Variants in ZNF746 observed in about 807,000 individuals in gnomAD.
ZNF746 encodes parkin-interacting substrate.
A neutral mutation model predicts 41.0 loss-of-function variants in ZNF746; 13 were observed. The ratio of observed to expected loss-of-function variants is 0.32; its 90% confidence interval spans 0.21 to 0.50. ZNF746 has a LOEUF of 0.50. Among genes scored for constraint, ZNF746 ranks in the 20% least tolerant of loss-of-function variants. ZNF746 has a pLI of 0.98. For missense variants in ZNF746, 811 were observed against 922.9 expected, an observed-to-expected ratio of 0.88 and a Z score of 1.57; for synonymous variants, 424 against 396.2, an observed-to-expected ratio of 1.07 and a Z score of -0.83.
intron 4 of ZNF746, chr7:149,491,655 G>A (rs967779126): frequency 4.0e-5 from 22 of 551,478 alleles, no homozygotes; most frequent in Non-Finnish European, 5.9e-5. Context: ...ATCTGACTGA[G>A]ATGAGATGAC....
At chr7:149,489,906 AAC>A (rs1280347508) in intron 4 of ZNF746, 1 of 152,196 alleles carries the variant, frequency 6.6e-6, no homozygotes, top group African/African-American at 2.4e-5. Flanking sequence ...TGGAAGGGGT[AAC>A]AGAGTGGGGG....
chr7:149,494,918 G>C lies in ZNF746; in HGVS notation c.25-415C>G, dbSNP rs781393663. Among the ~76,000 whole-genome samples the C allele has an allele frequency of 2.0e-5, 3 of 151,964 alleles. No homozygotes were observed. Among genetic ancestry groups the C allele is most frequent in the Non-Finnish European group, 2.9e-5 (2 of 67,986 alleles). ...CATTTTAGTGGAGAAATGGTAAACT[G>C]CAGATTTACTAGAGCGCAGCCTGCA... On this transcript the variant is annotated intron_variant, in intron 1 of 6. Transcript: ENST00000458143. The surrounding 1 kb of genome is among the most constrained non-coding windows in gnomAD (Gnocchi z 5.6).
chr7:149,475,131 C>A lies in ZNF746; in HGVS notation c.1236G>T (p.Gly412=), dbSNP rs755737845. 4 of 1,612,146 alleles carry A rather than the reference C, an allele frequency of 2.5e-6. 1 individual carries two copies. In the South Asian group the frequency reaches 4.4e-5, roughly 18 times the overall value. ...KPPVGLNPRT[G]PEGLPYSSPD... Reference sequence around the variant, plus strand: ...GGGAGGAGTAAGGAAGCCCCTCGGGCCCCGTCCTCGGGTTCAGGCCCACTG... The same window carrying A: ...GGGAGGAGTAAGGAAGCCCCTCGGGACCCGTCCTCGGGTTCAGGCCCACTG... The change falls in exon 7 of 7, where the codon GGG becomes GGT. Residue 412 remains glycine (G), a synonymous_variant. Transcript: ENST00000458143.
At chr7:149,496,669 C>T (rs113500992) in intron 1 of ZNF746, among the ~76,000 whole-genome samples, 8 of 152,268 alleles carry the variant, frequency 5.3e-5, no homozygotes, top group African/African-American at 1.9e-4. Context: ...GAAATCCTAG[C>T]CTTCCCTAAA....
intron 4 of ZNF746, among the ~76,000 whole-genome samples, chr7:149,481,343 C>T (rs1336934464): frequency 2.6e-5 from 4 of 152,238 alleles, no homozygotes; most frequent in African/African-American, 9.6e-5. Flanking sequence ...ATATAACCCA[C>T]ACACATCCTC....
chr7:149,477,779 G>A, intron 4 of ZNF746, 24 bp from the exon 5 acceptor site: 1 of 1,576,022 alleles, frequency 6.3e-7, no homozygotes, highest in Non-Finnish European at 8.7e-7. Context: ...TGAGTGTGAG[G>A]ATACAGCATC....
In ZNF746 at chr7:149,472,918, T is replaced by G. The variant is rs1430359552; in HGVS notation, c.*1466A>C. 1 of 152,600 alleles carries G rather than the reference T, an allele frequency of 6.6e-6. No individual in the cohort carries two copies. The highest frequency in any genetic ancestry group is 6.5e-5 in the Admixed American group (1 of 15,280). The allele number at this position is 152,600 out of a possible 1,614,324, so 9.5% of individuals were successfully genotyped here. The stretch of plus-strand genomic sequence containing the variant: ...AGTACATAGAAACAATTTTCTTAAC[T>G]AGTCTATCGCCTAATAAAAGTATGC... On this transcript the variant is annotated 3_prime_UTR_variant, in exon 7 of 7. Coordinates refer to ENST00000458143, the MANE Select transcript of ZNF746 (RefSeq NM_001394198.1).
At position 149,497,075 on chromosome 7, in the gene ZNF746, G is replaced by C; in HGVS notation, c.24+438C>G. On this transcript the variant is annotated intron_variant, in intron 1 of 6. Transcript: ENST00000458143. The surrounding 1 kb of genome is among the most constrained non-coding windows in gnomAD (Gnocchi z 4.2). ...GCGCCGACCCCGGGAAGCTGGGCACGTAGTGGGAGTCGGTGTATGCGGATT... is the reference window on the plus strand; with the variant it reads ...GCGCCGACCCCGGGAAGCTGGGCACCTAGTGGGAGTCGGTGTATGCGGATT... 1 of 985,410 alleles carries C rather than the reference G, an allele frequency of 1.0e-6. No individual in the cohort carries two copies. The highest frequency in any genetic ancestry group is 1.2e-6 in the Non-Finnish European group (1 of 829,912). The allele number at this position is 985,410 out of a possible 1,614,324, so 61.0% of individuals were successfully genotyped here. A position where few individuals can be genotyped will look rare whatever the true frequency, so the allele number is the denominator to read the frequency against.
chr7:149,490,364 C>CA (rs1800761651), intron 4 of ZNF746: 1 of 152,186 alleles, frequency 6.6e-6, no homozygotes, highest in African/African-American at 2.4e-5. Context: ...CACGTGACAC[C>CA]AGCAGCCAGC....
intron 4 of ZNF746, chr7:149,491,180 C>A (rs1800793925): frequency 6.6e-6 from 1 of 152,468 alleles, no homozygotes; most frequent in Non-Finnish European, 1.5e-5. Context: ...AAACGCCACA[C>A]AGATCCCTGC....
At position 149,482,135 on chromosome 7, in the gene ZNF746, T is replaced by C. The variant is rs1377757195; in HGVS notation, c.566-4380A>G. On this transcript the variant is annotated intron_variant, in intron 4 of 6. Transcript: ENST00000458143. ...TGTACACGGTTTTTGAAATACGGTA[T>C]GTATTTTATCCTTACAGCACATTTC... Among the ~76,000 whole-genome samples, 4 of 152,254 alleles carry C rather than the reference T, an allele frequency of 2.6e-5. No homozygotes were observed. The East Asian group carries it at 7.7e-4, about 29-fold the overall frequency.
At chr7:149,491,753 GA>G in intron 4 of ZNF746, 3 of 629,278 alleles carry the variant, frequency 4.8e-6, no homozygotes, top group Admixed American at 2.5e-5. Context: ...AGACGAAAGG[GA>G]AAACCAAGGC....
chr7:149,484,277 A>C (rs766299779), intron 4 of ZNF746, among the ~76,000 whole-genome samples: 3 of 152,230 alleles, frequency 2.0e-5, no homozygotes, highest in African/African-American at 4.8e-5. Context: ...TCCATGAACA[A>C]AGATTCAAAA....
Position 149,475,433 on chromosome 7 carries a change from C to G in ZNF746, c.934G>C (p.Ala312Pro), listed in dbSNP as rs1800265837. 1 of 1,613,660 alleles carries G rather than the reference C, an allele frequency of 6.2e-7. No homozygotes were observed. The highest frequency in any genetic ancestry group is 1.1e-5 in the South Asian group (1 of 91,060). ...KTEVQEEEVV[A>P]TPVHPTDLEA... ...AGGTCAGTAGGATGTACGGGTGTGG[C>G]CACCACCTCCTCTTCCTGGACTTCT... Residue 312 changes from alanine to proline, a missense_variant, in exon 7 of 7, where the codon GCC becomes CCC. Physicochemically the swap from Ala to Pro is conservative, Grantham distance 27 (BLOSUM62 -1). Coordinates refer to ENST00000458143, the MANE Select transcript of ZNF746 (RefSeq NM_001394198.1).
chr7:149,481,160 AAAAAGGGGCAAATTATCTTC>A (rs1800473674), intron 4 of ZNF746, among the ~76,000 whole-genome samples: 1 of 152,234 alleles, frequency 6.6e-6, no homozygotes, highest in Non-Finnish European at 1.5e-5. Flanking sequence ...AAAAGCCAGA[AAAAAGGGGCAAATTATCTTC>A]AAAAGCTAAG....
chr7:149,486,264 C>T (rs1800619303), intron 4 of ZNF746, among the ~76,000 whole-genome samples: 1 of 151,900 alleles, frequency 6.6e-6, no homozygotes, highest in Admixed American at 6.6e-5. Context: ...ACCCCCAGGC[C>T]CTCCTGGGAA....
chr7:149,484,839 A>G (rs1305140354), intron 4 of ZNF746, among the ~76,000 whole-genome samples: 2 of 152,194 alleles, frequency 1.3e-5, no homozygotes, highest in Non-Finnish European at 2.9e-5. Flanking sequence ...TTATCAATAA[A>G]TGAAAGACAA....
chr7:149,477,153 G>C (rs1220688382), intron 5 of ZNF746, 106 bp from the exon 6 acceptor site: 12 of 1,397,026 alleles, frequency 8.6e-6, no homozygotes, highest in Non-Finnish European at 7.6e-6. Flanking sequence ...CCCACTGGGG[G>C]CTTTTCTGAG....
chr7:149,497,254 G>A lies in ZNF746; in HGVS notation c.24+259C>T. On this transcript the variant is annotated intron_variant, in intron 1 of 6. Transcript: ENST00000458143. This position sits in a 1 kb window ranked among gnomAD's most constrained non-coding sequence, Gnocchi z 4.2. ...GGGGCGGGGGCAGGAAGCCCCGGAGGGCCCAAAGAACTTGGCGTGGGGCGG... is the reference window on the plus strand; with the variant it reads ...GGGGCGGGGGCAGGAAGCCCCGGAGAGCCCAAAGAACTTGGCGTGGGGCGG... The A allele has an allele frequency of 1.0e-6, 1 of 984,964 alleles. No homozygotes were observed. The highest frequency in any genetic ancestry group is 1.2e-6 in the Non-Finnish European group (1 of 829,554). 61.0% of individuals were successfully genotyped at this position (984,964 alleles called of 1,614,324 possible).
Sources: allele counts gnomAD v4.1 joint callset (sites outside exome capture counted in the v4.1 genomes callset), GRCh38; gene constraint gnomAD v4.1.1; non-coding constraint Gnocchi (gnomAD v3.1); transcripts MANE v1.5; gene names NCBI Gene and HGNC (gene_info 2026-07-23, HGNC 2026-07-21).